Variants in ZNF385D observed in about 807,000 individuals in gnomAD.
The protein encoded by ZNF385D is zinc finger protein 659.
ZNF385D carries 15 observed loss-of-function variants against 35.8 expected under a neutral mutation model. That is an observed-to-expected ratio of 0.42 (90% CI 0.28 to 0.64). The LOEUF (loss-of-function observed/expected upper bound fraction) is 0.64. Ranked by LOEUF, ZNF385D falls within the 30% of genes least tolerant of loss-of-function variation. The probability of loss-of-function intolerance (pLI) is 0.23; values close to 1 mark genes in which losing one functional copy is unlikely to be tolerated. For missense variants in ZNF385D, 474 were observed against 494.6 expected (o/e 0.96, Z 0.39); for synonymous variants, 212 against 186.8 (o/e 1.13, Z -1.10).
chr3:21,777,195 T>C (rs754049839), intron 3 of ZNF385D, among the ~76,000 whole-genome samples: 1 of 152,002 alleles, frequency 6.6e-6, no homozygotes, highest in Non-Finnish European at 1.5e-5. Flanking sequence ...AAGTTCTGTT[T>C]TGTTTAAAAT....
At chr3:22,095,987 C>G (rs1215746979) in intron 3 of ZNF385D, among the ~76,000 whole-genome samples, 1 of 151,604 alleles carries the variant, frequency 6.6e-6, no homozygotes, top group African/African-American at 2.4e-5. Context: ...TGACTAAAGT[C>G]TTTGGTAATA....
intron 3 of ZNF385D, among the ~76,000 whole-genome samples, chr3:21,935,010 A>G (rs118076849): frequency 6.6e-6 from 1 of 152,304 alleles, no homozygotes; most frequent in East Asian, 1.9e-4. Flanking sequence ...TACTTAGTGC[A>G]TTGGTAGCTC....
chr3:21,685,956 G>T (rs1436564975), intron 1 of ZNF385D, among the ~76,000 whole-genome samples: 1 of 152,142 alleles, frequency 6.6e-6, no homozygotes, highest in African/African-American at 2.4e-5. Flanking sequence ...CGGGAAAGAA[G>T]AAAGAGAACA....
intron 3 of ZNF385D, among the ~76,000 whole-genome samples, chr3:21,770,824 G>T (rs2071043018): frequency 6.6e-6 from 1 of 152,092 alleles, no homozygotes; most frequent in Non-Finnish European, 1.5e-5. Context: ...CAATAGCAAA[G>T]ACTTGGAACC....
At chr3:22,035,786 A>C (rs1372096729) in intron 3 of ZNF385D, among the ~76,000 whole-genome samples, 1 of 152,132 alleles carries the variant, frequency 6.6e-6, no homozygotes, top group Non-Finnish European at 1.5e-5. Flanking sequence ...TAGACTCCAA[A>C]ATTATGACCA....
intron 3 of ZNF385D, among the ~76,000 whole-genome samples, chr3:21,920,642 GA>G (rs1279550974): frequency 5.7e-5 from 8 of 139,406 alleles, no homozygotes; most frequent in African/African-American, 2.1e-4. Context: ...AAAAAAAGAT[GA>G]AATGGAAATT....
chr3:22,292,271 G>A (rs1024345388), intron 2 of ZNF385D, among the ~76,000 whole-genome samples: 1 of 151,820 alleles, frequency 6.6e-6, no homozygotes, highest in Non-Finnish European at 1.5e-5. Flanking sequence ...CATGTAAAAT[G>A]TTTTTGTTGT....
intron 3 of ZNF385D, among the ~76,000 whole-genome samples, chr3:22,076,574 C>A (rs886902230): frequency 4.0e-5 from 6 of 151,884 alleles, no homozygotes; most frequent in African/African-American, 1.4e-4. Flanking sequence ...AATTACGTAT[C>A]TATTTGTAAT....
intron 3 of ZNF385D, among the ~76,000 whole-genome samples, chr3:21,981,724 T>A (rs537598012): frequency 9.9e-5 from 15 of 152,216 alleles, no homozygotes; most frequent in African/African-American, 1.4e-4. Flanking sequence ...CAATTCATCT[T>A]GAGCTGATTT....
At chr3:21,985,005 T>C (rs541148466) in intron 3 of ZNF385D, among the ~76,000 whole-genome samples, 3 of 151,554 alleles carry the variant, frequency 2.0e-5, no homozygotes, top group South Asian at 2.1e-4. Flanking sequence ...GTGATTTTTG[T>C]ACATTGATTT....
chr3:21,773,566 T>G, intron 3 of ZNF385D, among the ~76,000 whole-genome samples: 1 of 151,706 alleles, frequency 6.6e-6, no homozygotes, highest in East Asian at 1.9e-4. Context: ...CTTAAATGAA[T>G]TTACAAGAAA....
At chr3:21,908,706 T>C (rs1158718187) in intron 3 of ZNF385D, among the ~76,000 whole-genome samples, 2 of 152,064 alleles carry the variant, frequency 1.3e-5, no homozygotes, top group African/African-American at 4.8e-5. Flanking sequence ...GAAAACAGCA[T>C]GGGCAAAGTT....
rs151087976 is a variant in ZNF385D, at chr3:22,288,057, TCTCA to T, written c.106+84389_106+84392del. 9.6e-3 allele frequency among the ~76,000 whole-genome samples: 1,454 copies of T among 151,372 alleles called. 23 individuals carry two copies. Among genetic ancestry groups the T allele is most frequent in the African/African-American group, 0.034 (1,397 of 41,528 alleles). Reference sequence around the variant, plus strand: ...TTGACAGGCAAGGTTTGTTTTTTTCTCTCAGTATTCTGAAATATCAAACCACTTC... The same window carrying T: ...TTGACAGGCAAGGTTTGTTTTTTTCTGTATTCTGAAATATCAAACCACTTC... On this transcript the variant is annotated intron_variant, in intron 2 of 5. Transcript: ENST00000494108.
intron 2 of ZNF385D, among the ~76,000 whole-genome samples, chr3:22,186,995 G>T (rs1156768821): frequency 1.3e-5 from 2 of 152,138 alleles, no homozygotes; most frequent in African/African-American, 4.8e-5. Flanking sequence ...TGAGAAAACT[G>T]ATTCACAGCC....
intron 2 of ZNF385D, among the ~76,000 whole-genome samples, chr3:21,603,906 C>A (rs1216811556): frequency 6.6e-6 from 1 of 152,118 alleles, no homozygotes; most frequent in East Asian, 1.9e-4. Context: ...GCAATTAGTT[C>A]TGGCTAATGA....
intron 3 of ZNF385D, among the ~76,000 whole-genome samples, chr3:22,152,429 G>C (rs1031996221): frequency 6.6e-6 from 1 of 152,080 alleles, no homozygotes; most frequent in African/African-American, 2.4e-5. Flanking sequence ...TTATCATACA[G>C]TTCTGAGGTC....
Position 22,106,377 on chromosome 3 carries a change from T to C in ZNF385D, c.325+62440A>G, listed in dbSNP as rs147294371. On this transcript the variant is annotated intron_variant, in intron 3 of 5. Coordinates refer to the ZNF385D transcript ENST00000494108. ...GATACCATCTGCCCTTTGGTCACTGTTCTCCTAGGTCCAGCTGAAAGGACA... is the reference window on the plus strand; with the variant it reads ...GATACCATCTGCCCTTTGGTCACTGCTCTCCTAGGTCCAGCTGAAAGGACA... Among the ~76,000 whole-genome samples the C allele has an allele frequency of 7.9e-3, 1,195 of 151,116 alleles. 11 individuals carry two copies. The highest frequency in any genetic ancestry group is 0.011 in the Non-Finnish European group (769 of 67,558).
chr3:22,120,106 A>T (rs944079971), intron 3 of ZNF385D, among the ~76,000 whole-genome samples: 2 of 151,704 alleles, frequency 1.3e-5, no homozygotes, highest in Non-Finnish European at 2.9e-5. Context: ...CTAGGATTAC[A>T]GGTGTGATTC....
At chr3:22,022,328 T>C (rs141707483) in intron 3 of ZNF385D, among the ~76,000 whole-genome samples, 237 of 152,234 alleles carry the variant, frequency 1.6e-3, no homozygotes, top group African/African-American at 5.3e-3. Context: ...AATTAATGTA[T>C]TGTACTTAAA....
Sources: gnomAD v4.1 joint callset for allele counts (sites outside exome capture counted in the v4.1 genomes callset) on GRCh38, gnomAD v4.1.1 for gene constraint, MANE v1.5 for transcripts, NCBI Gene and HGNC (gene_info 2026-07-23, HGNC 2026-07-21) for gene names.